TRIM34: variants seen among roughly 807,000 people sequenced by gnomAD.
The protein encoded by TRIM34 is tripartite motif containing 34.
A neutral mutation model predicts 38.1 loss-of-function variants in TRIM34; 41 were observed. The ratio of observed to expected loss-of-function variants is 1.08; its 90% CI spans 0.84 to 1.40. TRIM34 has a LOEUF of 1.40. TRIM34 is among the 40% of genes most tolerant of loss of function. TRIM34 has a pLI of 0.00. For synonymous variants in TRIM34, 200 were observed against 202.5 expected, an observed-to-expected ratio of 0.99 and a Z score of 0.10; for missense variants, 556 against 571.4, an observed-to-expected ratio of 0.97 and a Z score of 0.27.
chr11:5,637,963 G>A (rs190400813), intron 4 of TRIM34, among the ~76,000 whole-genome samples: 1 of 152,272 alleles, frequency 6.6e-6, no homozygotes, highest in Non-Finnish European at 1.5e-5. Context: ...AATAACACCT[G>A]GAATTACTCT....
At chr11:5,639,561 T>TC (rs1251977753) in intron 4 of TRIM34, among the ~76,000 whole-genome samples, 1 of 151,416 alleles carries the variant, frequency 6.6e-6, no homozygotes, top group Non-Finnish European at 1.5e-5. Flanking sequence ...GTACCTGTAG[T>TC]CCCAGGTACT....
Position 5,643,437 on chromosome 11 carries a change from G to C in TRIM34, c.1195G>C (p.Val399Leu), listed in dbSNP as rs749108201. Residue 399 changes from valine to leucine, a missense_variant, in exon 8 of 8, where the codon GTT becomes CTT. Transcript: ENST00000429814. ...ATACAGACCTCTATTTGGCTACTGG[G>C]TTATAGGGTTACAGAATAAATGTAA... Reference protein sequence around the residue: ...TKYRPLFGYWVIGLQNKCKYG... With the variant: ...TKYRPLFGYWLIGLQNKCKYG... 9 of 1,614,154 alleles carry C rather than the reference G, an allele frequency of 5.6e-6. No homozygotes were observed. The highest frequency in any genetic ancestry group is 7.6e-6 in the Non-Finnish European group (9 of 1,180,018).
chr11:5,641,268 T>G, intron 5 of TRIM34, 79 bp downstream of exon 5: 5 of 1,603,700 alleles, frequency 3.1e-6, no homozygotes, highest in Non-Finnish European at 3.4e-6. Flanking sequence ...TGGTGGTCAA[T>G]TGGAATAAAA....
At chr11:5,636,422 G>T (rs1355281620) in intron 4 of TRIM34, among the ~76,000 whole-genome samples, 2 of 152,184 alleles carry the variant, frequency 1.3e-5, no homozygotes, top group African/African-American at 4.8e-5. Context: ...TGATGAAAAT[G>T]ATCTGGATTT....
At chr11:5,631,307 G>T (rs1487810818) in intron 1 of TRIM34, among the ~76,000 whole-genome samples, 1 of 152,086 alleles carries the variant, frequency 6.6e-6, no homozygotes, top group Non-Finnish European at 1.5e-5. Flanking sequence ...ACTTCTTTCA[G>T]GCTTTACCTC....
At chr11:5,625,373 C>G (rs1849159861) in intron 1 of TRIM34, among the ~76,000 whole-genome samples, 1 of 152,152 alleles carries the variant, frequency 6.6e-6, no homozygotes, top group Non-Finnish European at 1.5e-5. Flanking sequence ...GCAAAGGAAA[C>G]AATTCTCTCT....
chr11:5,636,726 T>G (rs956281135), intron 4 of TRIM34, among the ~76,000 whole-genome samples: 1 of 152,228 alleles, frequency 6.6e-6, no homozygotes, highest in African/African-American at 2.4e-5. Context: ...AGATCAAAAA[T>G]TATAAATGCT....
At chr11:5,639,495 A>G (rs1363570317) in intron 4 of TRIM34, among the ~76,000 whole-genome samples, 2 of 151,954 alleles carry the variant, frequency 1.3e-5, no homozygotes, top group Non-Finnish European at 2.9e-5. Context: ...CTTGGCTAAC[A>G]CAGTGAAACC....
chr11:5,620,443 C>T (rs187888502), upstream of TRIM34, among the ~76,000 whole-genome samples: 1 of 151,890 alleles, frequency 6.6e-6, no homozygotes, highest in East Asian at 1.9e-4. Flanking sequence ...ACTCGTGATC[C>T]GCCCGCCTCA....
rs1337454551 is a variant in TRIM34 at position 5,640,624 on chromosome 11, T to C, written c.751-543T>C. 2.0e-5 allele frequency among the ~76,000 whole-genome samples: 3 copies of C among 152,174 alleles called. No homozygotes were observed. In the South Asian group the frequency reaches 6.2e-4, roughly 32 times the overall value. ...TTTTCTTGTGATGTCTTTGGTTCTT[T>C]TATCAGGGTCCTTTATCAGGGTAGG... On this transcript the variant is annotated intron_variant, in intron 4 of 7. Transcript: ENST00000429814.
chr11:5,639,772 T>C (rs946709019), intron 4 of TRIM34, among the ~76,000 whole-genome samples: 2 of 150,288 alleles, frequency 1.3e-5, no homozygotes, highest in Admixed American at 6.6e-5. Flanking sequence ...CATAAGACTA[T>C]GTCATCTGTA....
At chr11:5,630,013 G>A (rs1194345384) in intron 1 of TRIM34, among the ~76,000 whole-genome samples, 8 of 152,122 alleles carry the variant, frequency 5.3e-5, no homozygotes, top group African/African-American at 1.9e-4. Flanking sequence ...GCCTCAGTGA[G>A]GATTCTTACG....
chr11:5,639,614 AG>A (rs1396643871), intron 4 of TRIM34, among the ~76,000 whole-genome samples: 1 of 128,720 alleles, frequency 7.8e-6, no homozygotes, highest in Non-Finnish European at 1.6e-5. Context: ...GGGGAGGTGG[AG>A]GTTGCAGCGA....
At chr11:5,635,028 G>C (rs573078192) in intron 4 of TRIM34, among the ~76,000 whole-genome samples, 167 bp downstream of exon 4, 2 of 151,990 alleles carry the variant, frequency 1.3e-5, no homozygotes, top group Non-Finnish European at 2.9e-5. Flanking sequence ...AATTTATGAA[G>C]TAAGGGAATA....
At chr11:5,624,371 C>T (rs1018961862), upstream of TRIM34, among the ~76,000 whole-genome samples, 1 of 152,312 alleles carries the variant, frequency 6.6e-6, no homozygotes, top group Admixed American at 6.5e-5. Flanking sequence ...TTCCCCAGGT[C>T]CTTTGTAGCC....
chr11:5,621,543 G>A (rs929874162), upstream of TRIM34, among the ~76,000 whole-genome samples: 5 of 152,190 alleles, frequency 3.3e-5, no homozygotes, highest in South Asian at 2.1e-4. Flanking sequence ...TGAGAGTGAG[G>A]CACCAGAAGA....
chr11:5,623,011 C>G (rs1328812423), upstream of TRIM34, among the ~76,000 whole-genome samples: 2 of 150,654 alleles, frequency 1.3e-5, no homozygotes, highest in African/African-American at 4.9e-5. Flanking sequence ...AGATAAAAGA[C>G]AAACAGGTTG....
chr11:5,642,311 T>A, intron 5 of TRIM34, 95 bp from the exon 6 acceptor site: 1 of 1,121,292 alleles, frequency 8.9e-7, no homozygotes, highest in Non-Finnish European at 1.3e-6. Context: ...AGGGTTCAAG[T>A]GCATCAGTGA....
At chr11:5,629,704 C>CTTTTG (rs1289216850) in intron 1 of TRIM34, among the ~76,000 whole-genome samples, 10 of 152,166 alleles carry the variant, frequency 6.6e-5, no homozygotes, top group Admixed American at 4.6e-4. Context: ...CGTGAGGATT[C>CTTTTG]TTTTGTTTTG....
Sources: gnomAD v4.1 joint callset for allele counts (sites outside exome capture counted in the v4.1 genomes callset) on GRCh38, gnomAD v4.1.1 for gene constraint, MANE v1.5 for transcripts, NCBI Gene and HGNC (gene_info 2026-07-23, HGNC 2026-07-21) for gene names.